Variants in ULK1 observed in about 807,000 individuals in gnomAD.
ULK1 encodes the protein serine/threonine-protein kinase ULK1.
In ULK1, 48 loss-of-function variants were observed where a neutral mutation model predicts 117.5. The ratio of observed to expected loss-of-function variants is 0.41; its 90% CI spans 0.32 to 0.52. The LOEUF (loss-of-function observed/expected upper bound fraction) is 0.52, where lower values mean the gene tolerates loss of function less well. Among genes scored for constraint, ULK1 ranks in the 20% least tolerant of loss-of-function variants. ULK1 has a pLI of 0.29. For missense variants in ULK1, 1,387 were observed against 1,473.4 expected, an observed-to-expected ratio of 0.94 and a Z score of 0.96; for synonymous variants, 790 against 637.8, an observed-to-expected ratio of 1.24 and a Z score of -3.60.
At chr12:131,909,871 G>T in intron 9 of ULK1, 38 bp downstream of exon 9, 4 of 1,610,600 alleles carry the variant, frequency 2.5e-6, no homozygotes, top group Admixed American at 1.7e-5. Context: ...TTCCCCCGCG[G>T]GCTCCGGCCC....
intron 12 of ULK1, 53 bp from the exon 13 acceptor site, chr12:131,911,889 C>G: frequency 6.2e-7 from 1 of 1,612,022 alleles, no homozygotes; most frequent in Non-Finnish European, 8.5e-7. Flanking sequence ...ATTTGCTCCC[C>G]TGAGTGTGTA....
At position 131,914,435 on chromosome 12, in the gene ULK1, T is replaced by A; in HGVS notation, c.1331T>A (p.Ile444Asn). ...VPTQVQNYQR[I>N]ERNLQSPTQF... The stretch of plus-strand genomic sequence containing the variant: ...ACGCAGGTGCAGAACTACCAGCGCA[T>A]TGAGCGAAACCTGCAGTCACCCACC... The change falls in exon 16 of 28, where the codon ATT becomes AAT. Residue 444 changes from isoleucine (I) to asparagine (N), a missense_variant. This residue lies in a region of ULK1 where 900 missense variants were observed against 858.9 expected (regional missense o/e 1.05). Transcript: ENST00000321867. 1.2e-6 allele frequency: 2 copies of A among 1,612,750 alleles called. No homozygotes were observed. The highest frequency in any genetic ancestry group is 1.7e-6 in the Non-Finnish European group (2 of 1,179,950).
Position 131,909,982 on chromosome 12 carries a change from C to T in ULK1, c.789C>T (p.His263=), listed in dbSNP as rs1889460072. 2 of 1,612,096 alleles carry T rather than the reference C, an allele frequency of 1.2e-6. No individual in the cohort carries two copies. Among genetic ancestry groups the T allele is most frequent in the East Asian group, 4.5e-5 (2 of 44,880 alleles). The change falls in exon 10 of 28, where the codon CAC becomes CAT. Residue 263 remains histidine (H), a synonymous_variant. Coordinates refer to ENST00000321867, the MANE Select transcript of ULK1 (RefSeq NM_003565.4). The part of the protein sequence containing the change: ...QLLLALLQRN[H]KDRMDFDEFF... ...TCCTGGCCCTACTGCAACGCAACCA[C>T]AAGGACCGCATGGACTTCGGTGAGC... is the stretch of plus-strand genomic sequence containing the variant.
Position 131,922,032 on chromosome 12 carries a change from C to T in ULK1, c.*671C>T, listed in dbSNP as rs769123971. The stretch of plus-strand genomic sequence containing the variant: ...TGGCTCCGGGGGGAGTGGGGCCCTG[C>T]GCTAGAGGCAGAGGCAGTTCTTTGT... On this transcript the variant is annotated 3_prime_UTR_variant, in exon 28 of 28. Coordinates refer to ENST00000321867, the MANE Select transcript of ULK1 (RefSeq NM_003565.4). 3.7e-5 allele frequency: 17 copies of T among 454,046 alleles called. No individual in the cohort carries two copies. The highest frequency in any genetic ancestry group is 1.2e-4 in the Admixed American group (5 of 42,470). The allele number at this position is 454,046 out of a possible 1,614,324, so 28.1% of individuals were successfully genotyped here.
At position 131,907,542 on chromosome 12, in the gene ULK1, A is replaced by AGCTGCGCCACCTGGGCT; in HGVS notation, c.316+14_316+30dup. 6.2e-7 allele frequency: 1 copy of AGCTGCGCCACCTGGGCT among 1,609,634 alleles called. No individual in the cohort carries two copies. The highest frequency in any genetic ancestry group is 8.5e-7 in the Non-Finnish European group (1 of 1,178,646). On this transcript the variant is annotated intron_variant, in intron 5 of 27. Coordinates refer to ENST00000321867, the MANE Select transcript of ULK1 (RefSeq NM_003565.4). ...CCGACTACCTGCACGGTGAGTGCAC[A>AGCTGCGCCACCTGGGCT]GCTGCGCCACCTGGGCTGCCAGCCG...
intron 25 of ULK1, 68 bp from the exon 26 acceptor site, chr12:131,919,911 G>C: frequency 1.9e-6 from 3 of 1,575,348 alleles, no homozygotes; most frequent in Non-Finnish European, 2.6e-6. Flanking sequence ...GCACCGGGCA[G>C]ATCATGGCCA....
In ULK1 at chr12:131,916,582, C is replaced by T. The variant is rs750594593; in HGVS notation, c.2063C>T (p.Pro688Leu). 6.3e-7 allele frequency: 1 copy of T among 1,578,420 alleles called. No individual in the cohort carries two copies. Among genetic ancestry groups the T allele is most frequent in the East Asian group, 2.2e-5 (1 of 44,454 alleles). The change falls in exon 20 of 28, where the codon CCC becomes CTC. Residue 688 changes from proline (P) to leucine (L), a missense_variant. Around this residue, in one of 4 missense-constraint regions of ULK1, gnomAD observed 900 missense variants for 858.9 expected, o/e 1.05. Transcript: ENST00000321867. The stretch of plus-strand genomic sequence containing the variant: ...CGGCCAGGCGAGGACCCCAAGGGCC[C>T]CTTTGGCCGGTGAGTTGAGGGGACA... ...GLRPGEDPKGPFGRSFSTSRL... is the reference protein window; with the variant it reads ...GLRPGEDPKGLFGRSFSTSRL...
At chr12:131,899,681 G>C (rs1192865557) in intron 3 of ULK1, among the ~76,000 whole-genome samples, 1 of 152,152 alleles carries the variant, frequency 6.6e-6, no homozygotes, top group South Asian at 2.1e-4. Context: ...GCAAGCTCTT[G>C]GTCCCTTTTG....
Position 131,921,406 on chromosome 12 carries a change from A to T in ULK1, c.*45A>T. On this transcript the variant is annotated 3_prime_UTR_variant, in exon 28 of 28. Transcript: ENST00000321867. The stretch of plus-strand genomic sequence containing the variant: ...CCCCCCGTCCTGCCGAGCCCTGCAG[A>T]GTGGGCTCTGTGTGCTGGCTGGACT... 2 of 1,598,508 alleles carry T rather than the reference A, an allele frequency of 1.3e-6. No individual in the cohort carries two copies. Among genetic ancestry groups the T allele is most frequent in the Non-Finnish European group, 1.7e-6 (2 of 1,179,098 alleles).
chr12:131,908,582 G>A (rs888940939), intron 5 of ULK1, 62 bp from the exon 6 acceptor site: 2 of 1,419,534 alleles, frequency 1.4e-6, no homozygotes, highest in South Asian at 1.5e-5. Flanking sequence ...GCCTGGCTGC[G>A]CGGGACTCAC....
intron 13 of ULK1, 44 bp downstream of exon 13, chr12:131,912,133 CG>C (rs1342297978): frequency 6.3e-7 from 1 of 1,580,866 alleles, no homozygotes; most frequent in Non-Finnish European, 8.6e-7. Flanking sequence ...TCAGGTGCGG[CG>C]GGGACAGTGC....
Position 131,919,226 on chromosome 12 carries a change from G to C in ULK1, c.2526G>C (p.Glu842Asp). ...EETLMEQEHT[E>D]ILRGLRFTLL... ...GCTTCCTGCAGCAAGAGCACACGGA[G>C]ATCCTGCGTGGCCTGCGCTTCACGC... is the stretch of plus-strand genomic sequence containing the variant. The change falls in exon 24 of 28, where the codon GAG (glutamate) becomes GAC (aspartate). Residue 842 changes from glutamate (E) to aspartate (D), a missense_variant. Coordinates refer to ENST00000321867, the MANE Select transcript of ULK1 (RefSeq NM_003565.4). 1 of 1,595,760 alleles carries C rather than the reference G, an allele frequency of 6.3e-7. No individual in the cohort carries two copies. The highest frequency in any genetic ancestry group is 2.2e-5 in the East Asian group (1 of 44,800).
At chr12:131,914,098 G>A (rs1889666100) in intron 15 of ULK1, among the ~76,000 whole-genome samples, 1 of 152,260 alleles carries the variant, frequency 6.6e-6, no homozygotes, top group Admixed American at 6.5e-5. Flanking sequence ...GCCAGGAATG[G>A]CCAGGGCCCC....
chr12:131,914,895 C>G (rs570806635), intron 16 of ULK1, among the ~76,000 whole-genome samples, 188 bp from the exon 17 acceptor site: 1 of 152,306 alleles, frequency 6.6e-6, no homozygotes, highest in African/African-American at 2.4e-5. Context: ...ACTGTGTGGC[C>G]GGTTACCTGG....
chr12:131,922,346 C>T lies in ULK1; in HGVS notation c.*985C>T, dbSNP rs1355420123. The T allele has an allele frequency of 9.6e-6, 3 of 312,582 alleles. No individual in the cohort carries two copies. The highest frequency in any genetic ancestry group is 6.6e-5 in the African/African-American group (3 of 45,562). The allele number at this position is 312,582 out of a possible 1,614,324, so 19.4% of individuals were successfully genotyped here. A position where few individuals can be genotyped will look rare whatever the true frequency, so the allele number is the denominator to read the frequency against. On this transcript the variant is annotated 3_prime_UTR_variant, in exon 28 of 28. Coordinates refer to ENST00000321867, the MANE Select transcript of ULK1 (RefSeq NM_003565.4). ...GCCCCTCCCTGTGGCAGCAGCAGGACAGGTGTGTGCCCAGCACCCTCCCTA... is the reference window on the plus strand; with the variant it reads ...GCCCCTCCCTGTGGCAGCAGCAGGATAGGTGTGTGCCCAGCACCCTCCCTA...
intron 3 of ULK1, among the ~76,000 whole-genome samples, chr12:131,900,144 G>T (rs932795372): frequency 6.0e-5 from 9 of 151,252 alleles, no homozygotes; most frequent in African/African-American, 1.9e-4. Context: ...AAAAACTGTT[G>T]TGGTTGTGAT....
At position 131,917,561 on chromosome 12, in the gene ULK1, G is replaced by T. The variant is rs1249517339; in HGVS notation, c.2326+7G>T. 3.5e-6 allele frequency: 5 copies of T among 1,412,178 alleles called. No individual in the cohort carries two copies. The African/African-American group carries it at 5.9e-5, about 17-fold the overall frequency. 87.5% of individuals were successfully genotyped at this position (1,412,178 alleles called of 1,614,324 possible). A position where few individuals can be genotyped will look rare whatever the true frequency, so the allele number is the denominator to read the frequency against. ...CGCACCAGGATGTTCTCAGGTGAGGGCTGGCTAGGCTGAAGCCCTGTCCCT... is the reference window on the plus strand; with the variant it reads ...CGCACCAGGATGTTCTCAGGTGAGGTCTGGCTAGGCTGAAGCCCTGTCCCT... On this transcript the variant is annotated splice_region_variant and intron_variant, in intron 22 of 27. Transcript: ENST00000321867.
In ULK1 at chr12:131,914,214, A is replaced by G. The variant is rs1008379580; in HGVS notation, c.1248-138A>G. ...AGGCATGGAAGCCGGCTCTTTTCAG[A>G]CCTGGCATGGGTCTCAGGGTGGCCT... is the stretch of plus-strand genomic sequence containing the variant. On this transcript the variant is annotated intron_variant, in intron 15 of 27. Coordinates refer to ENST00000321867, the MANE Select transcript of ULK1 (RefSeq NM_003565.4). The G allele has an allele frequency of 3.2e-5, 44 of 1,379,592 alleles. 1 individual carries two copies. The highest frequency in any genetic ancestry group is 4.7e-5 in the East Asian group (2 of 42,970). The allele number at this position is 1,379,592 out of a possible 1,614,324, so 85.5% of individuals were successfully genotyped here.
intron 13 of ULK1, among the ~76,000 whole-genome samples, chr12:131,912,520 G>C (rs1889584786): frequency 6.6e-6 from 1 of 152,232 alleles, no homozygotes; most frequent in South Asian, 2.1e-4. Context: ...GTTGAATGAA[G>C]GTGCCTAAAC....
Sources: gnomAD v4.1 joint callset for allele counts (sites outside exome capture counted in the v4.1 genomes callset) on GRCh38, gnomAD v4.1.1 for gene constraint, gnomAD v4.1.1 regional missense constraint, MANE v1.5 for transcripts, NCBI Gene and HGNC (gene_info 2026-07-23, HGNC 2026-07-21) for gene names.